The following STYX variants were observed in gnomAD, a reference collection of about 807,000 sequenced individuals.
The protein encoded by STYX is serine/threonine/tyrosine interacting protein.
Under a neutral mutation model 42.7 loss-of-function variants are expected in STYX, and 20 were observed. That is an observed-to-expected ratio of 0.47 (90% CI 0.33 to 0.68). STYX has a LOEUF of 0.68. Ranked by LOEUF, STYX falls within the 30% of genes least tolerant of loss-of-function variation. STYX has a pLI of 0.02. For synonymous variants in STYX, 78 were observed against 81.9 expected (o/e 0.95, Z 0.26); for missense variants, 226 against 268.5 (o/e 0.84, Z 1.11).
At chr14:52,734,713 A>G (rs185510959) in intron 1 of STYX, among the ~76,000 whole-genome samples, 3 of 152,182 alleles carry the variant, frequency 2.0e-5, no homozygotes, top group African/African-American at 7.2e-5. Flanking sequence ...TTAATATTGC[A>G]TGTTTGGTAT....
chr14:52,743,589 A>G lies in STYX; in HGVS notation c.58-1263A>G, dbSNP rs147828203. Among the ~76,000 whole-genome samples the G allele has an allele frequency of 2.9e-3, 440 of 152,254 alleles. 2 individuals carry two copies. The highest frequency in any genetic ancestry group is 0.01 in the African/African-American group (420 of 41,546). On this transcript the variant is annotated intron_variant, in intron 1 of 10. Transcript: ENST00000354586. ...GTGTAAGACTCGGTCTCAAAAAATA[A>G]AAAAATAAAAAAAATACTTTTCTGA...
intron 1 of STYX, among the ~76,000 whole-genome samples, chr14:52,736,108 AC>A (rs1457371721): frequency 6.6e-6 from 1 of 151,296 alleles, no homozygotes; most frequent in Admixed American, 6.6e-5. Flanking sequence ...TTTAATTTCC[AC>A]CCCCCGCCTT....
chr14:52,763,016 C>T (rs1310691708), intron 9 of STYX, among the ~76,000 whole-genome samples: 1 of 151,482 alleles, frequency 6.6e-6, no homozygotes, highest in Non-Finnish European at 1.5e-5. Context: ...CCTCAGCCTC[C>T]AGAATAGCTG....
At chr14:52,735,375 G>T (rs1485968150) in intron 1 of STYX, among the ~76,000 whole-genome samples, 1 of 152,136 alleles carries the variant, frequency 6.6e-6, no homozygotes, top group Non-Finnish European at 1.5e-5. Flanking sequence ...CCAGGAAAGG[G>T]CAGATACAAT....
In STYX at chr14:52,768,849, G is replaced by T; in HGVS notation, c.514G>T (p.Ala172Ser). 1 of 1,574,646 alleles carries T rather than the reference G, an allele frequency of 6.4e-7. No homozygotes were observed. Among genetic ancestry groups the T allele is most frequent in the South Asian group, 1.2e-5 (1 of 81,864 alleles). The change falls in exon 10 of 11, where the codon GCC becomes TCC. Residue 172 changes from alanine to serine, a missense_variant. Ala to Ser is a moderately conservative substitution (Grantham distance 99). Coordinates refer to ENST00000354586, the MANE Select transcript of STYX (RefSeq NM_145251.4). Reference protein sequence around the residue: ...GFVHQLQEYEAIYLAKLTIQM... With the variant: ...GFVHQLQEYESIYLAKLTIQM... ...CTTATTTTTTTTTTAGGAATATGAA[G>T]CCATCTACCTAGCAAAATTAACAAT...
intron 5 of STYX, 64 bp downstream of exon 5, chr14:52,756,675 C>CTTT (rs748826005): frequency 9.7e-5 from 7 of 71,932 alleles, no homozygotes; most frequent in South Asian, 5.1e-4. Flanking sequence ...CTTAGTTGTG[C>CTTT]TTTTTTTTTT....
intron 9 of STYX, among the ~76,000 whole-genome samples, chr14:52,760,399 T>C (rs867869945): frequency 2.2e-4 from 34 of 152,314 alleles, no homozygotes; most frequent in Middle Eastern, 3.4e-3. Context: ...TTCTATTCTA[T>C]GTTTATCTTT....
chr14:52,771,341 A>C lies in STYX; in HGVS notation c.*235A>C. 1 of 363,384 alleles carries C rather than the reference A, an allele frequency of 2.8e-6. No homozygotes were observed. The highest frequency in any genetic ancestry group is 4.9e-6 in the Non-Finnish European group (1 of 202,266). 22.5% of individuals were successfully genotyped at this position (363,384 alleles called of 1,614,324 possible). A position where few individuals can be genotyped will look rare whatever the true frequency, so the allele number is the denominator to read the frequency against. On this transcript the variant is annotated 3_prime_UTR_variant, in exon 11 of 11. Transcript: ENST00000354586. ...AAAACACATGCGCGCGCACACACAC[A>C]TGCTTTACAAGTTTTATTATAAACC...
intron 9 of STYX, among the ~76,000 whole-genome samples, 185 bp from the exon 10 acceptor site, chr14:52,768,655 T>A (rs1882399930): frequency 6.6e-6 from 1 of 152,116 alleles, no homozygotes; most frequent in South Asian, 2.1e-4. Context: ...CGGGCTTGAT[T>A]TATAGTTATC....
At chr14:52,764,462 G>A (rs1882220516) in intron 9 of STYX, among the ~76,000 whole-genome samples, 2 of 151,934 alleles carry the variant, frequency 1.3e-5, no homozygotes, top group South Asian at 4.1e-4. Context: ...TTTGCTATTA[G>A]ATTTGGTATC....
intron 4 of STYX, 40 bp downstream of exon 4, chr14:52,750,820 GTTTCA>G: frequency 7.3e-7 from 1 of 1,363,246 alleles, no homozygotes; most frequent in Non-Finnish European, 1.0e-6. Flanking sequence ...ACTTAATGAA[GTTTCA>G]TTTCAGGTTT....
At position 52,730,211 on chromosome 14, in the gene STYX, G is replaced by T. The variant is rs1185008631; in HGVS notation, c.-264G>T. The T allele has an allele frequency of 9.2e-6, 5 of 543,562 alleles. No homozygotes were observed. The highest frequency in any genetic ancestry group is 3.2e-5 in the East Asian group (1 of 31,586). The allele number at this position is 543,562 out of a possible 1,614,324, so 33.7% of individuals were successfully genotyped here. A position where few individuals can be genotyped will look rare whatever the true frequency, so the allele number is the denominator to read the frequency against. ...TGCTGGATCCTGGGCGGCCTGAGGGGTACGGAGACTCTGGGGGAGGGAGAC... is the reference window on the plus strand; with the variant it reads ...TGCTGGATCCTGGGCGGCCTGAGGGTTACGGAGACTCTGGGGGAGGGAGAC... On this transcript the variant is annotated 5_prime_UTR_variant, in exon 1 of 11. Coordinates refer to ENST00000354586, the MANE Select transcript of STYX (RefSeq NM_145251.4).
At chr14:52,740,301 T>C (rs763931654) in intron 1 of STYX, among the ~76,000 whole-genome samples, 1 of 152,130 alleles carries the variant, frequency 6.6e-6, no homozygotes, top group Non-Finnish European at 1.5e-5. Flanking sequence ...AAAAAGTATC[T>C]AGTAAACAAT....
chr14:52,766,988 C>T (rs776921842), intron 9 of STYX, among the ~76,000 whole-genome samples: 4 of 152,088 alleles, frequency 2.6e-5, no homozygotes, highest in South Asian at 4.2e-4. Context: ...CTTGACCTCA[C>T]GAAACTTATT....
In STYX at chr14:52,762,231, G is replaced by C. The variant is rs746280774; in HGVS notation, c.504+2477G>C. On this transcript the variant is annotated intron_variant, in intron 9 of 10. Transcript: ENST00000354586. ...ATCATTTGTTGGTGTTCCTCTCACC[G>C]GTTTGTAAGAGCTCTTTTTATATTA... Among the ~76,000 whole-genome samples, 10 of 152,100 alleles carry C rather than the reference G, an allele frequency of 6.6e-5. No homozygotes were observed. In the Middle Eastern group the frequency reaches 0.01, roughly 155 times the overall value.
chr14:52,744,993 T>G, intron 2 of STYX, 109 bp downstream of exon 2: 3 of 827,284 alleles, frequency 3.6e-6, no homozygotes, highest in Non-Finnish European at 5.6e-6. Flanking sequence ...GGTTCATCAT[T>G]ATGTATTTTA....
intron 9 of STYX, among the ~76,000 whole-genome samples, chr14:52,760,068 T>C (rs1882030451): frequency 6.6e-6 from 1 of 152,014 alleles, no homozygotes; most frequent in Non-Finnish European, 1.5e-5. Flanking sequence ...TAGCCAGTCA[T>C]GGTGGTGCAT....
At chr14:52,758,013 T>C in intron 8 of STYX, 89 bp downstream of exon 8, 2 of 1,388,396 alleles carry the variant, frequency 1.4e-6, no homozygotes, top group Non-Finnish European at 2.0e-6. Flanking sequence ...GAAGTTCTTA[T>C]TCCCCTGATT....
intron 1 of STYX, among the ~76,000 whole-genome samples, chr14:52,733,512 T>A (rs1880818820): frequency 6.6e-6 from 1 of 152,154 alleles, no homozygotes; most frequent in African/African-American, 2.4e-5. Context: ...CAGATGGTAA[T>A]CACAAGTAGT....
Sources: allele counts gnomAD v4.1 joint callset (sites outside exome capture counted in the v4.1 genomes callset), GRCh38; gene constraint gnomAD v4.1.1; transcripts MANE v1.5; gene names NCBI Gene and HGNC (gene_info 2026-07-23, HGNC 2026-07-21).